SGCZ: variants seen among roughly 807,000 people sequenced by gnomAD.
SGCZ encodes zeta-sarcoglycan.
Under a neutral mutation model 41.3 loss-of-function variants are expected in SGCZ, and 40 were observed. The ratio of observed to expected loss-of-function variants is 0.97; its 90% CI spans 0.75 to 1.26. The LOEUF is 1.26. Among genes scored for constraint, SGCZ ranks in the 50% most tolerant of loss-of-function variants. SGCZ has a pLI of 0.00. For synonymous variants in SGCZ, 206 were observed against 137.5 expected (o/e 1.50, Z -3.49); for missense variants, 552 against 369.8 (o/e 1.49, Z -4.04).
At chr8:14,688,947 C>G (rs1328777203) in intron 1 of SGCZ, among the ~76,000 whole-genome samples, 1 of 151,972 alleles carries the variant, frequency 6.6e-6, no homozygotes, top group Non-Finnish European at 1.5e-5. Context: ...ACAAAAATCA[C>G]AAGCATTCTT....
chr8:14,351,622 G>T (rs533437634), intron 2 of SGCZ, among the ~76,000 whole-genome samples: 1 of 151,640 alleles, frequency 6.6e-6, no homozygotes, highest in East Asian at 1.9e-4. Flanking sequence ...AATAGAACAT[G>T]ATGTCATTTT....
intron 2 of SGCZ, among the ~76,000 whole-genome samples, chr8:14,333,316 C>A (rs917390026): frequency 2.0e-5 from 3 of 151,990 alleles, no homozygotes; most frequent in African/African-American, 7.2e-5. Context: ...CTGCAAAGAG[C>A]CTCAGGCATT....
intron 2 of SGCZ, among the ~76,000 whole-genome samples, chr8:14,442,365 G>C (rs1018582487): frequency 6.6e-6 from 1 of 152,126 alleles, no homozygotes; most frequent in Non-Finnish European, 1.5e-5. Flanking sequence ...AAGTGACTTT[G>C]CTCCTCCTTT....
intron 1 of SGCZ, among the ~76,000 whole-genome samples, chr8:14,884,763 T>C (rs1410928143): frequency 6.6e-6 from 1 of 152,184 alleles, no homozygotes; most frequent in African/African-American, 2.4e-5. Flanking sequence ...TTATATTTTA[T>C]GTTACAAATT....
intron 1 of SGCZ, among the ~76,000 whole-genome samples, chr8:14,723,101 A>G (rs894785594): frequency 3.2e-4 from 48 of 152,206 alleles, no homozygotes; most frequent in African/African-American, 1.1e-3. Context: ...TAAGTCAAAA[A>G]TAAGATCACG....
chr8:14,911,547 A>G (rs1237170287), intron 1 of SGCZ, among the ~76,000 whole-genome samples: 2 of 152,056 alleles, frequency 1.3e-5, no homozygotes, highest in African/African-American at 4.8e-5. Context: ...AAAACCAAAT[A>G]CAATTTTTAT....
intron 2 of SGCZ, among the ~76,000 whole-genome samples, chr8:14,443,162 G>A (rs1340309017): frequency 2.6e-5 from 4 of 152,128 alleles, no homozygotes; most frequent in Admixed American, 6.5e-5. Flanking sequence ...AATAAAAGAC[G>A]ATAGAAACAA....
chr8:14,243,275 G>C (rs571563917), intron 3 of SGCZ, among the ~76,000 whole-genome samples: 1 of 152,220 alleles, frequency 6.6e-6, no homozygotes, highest in South Asian at 2.1e-4. Context: ...TGGAAATATA[G>C]AATTTGCCAA....
intron 1 of SGCZ, among the ~76,000 whole-genome samples, chr8:14,672,348 C>T (rs1487738230): frequency 6.6e-6 from 1 of 152,084 alleles, no homozygotes; most frequent in Non-Finnish European, 1.5e-5. Context: ...TAAATATTTG[C>T]TGATTGGTCA....
At chr8:15,098,433 T>C (rs954496497) in intron 1 of SGCZ, among the ~76,000 whole-genome samples, 1 of 152,138 alleles carries the variant, frequency 6.6e-6, no homozygotes, top group African/African-American at 2.4e-5. Flanking sequence ...CCGCCTAGTA[T>C]CACACAGCTA....
intron 7 of SGCZ, among the ~76,000 whole-genome samples, chr8:14,096,998 C>T (rs1045947302): frequency 6.6e-6 from 1 of 151,920 alleles, no homozygotes; most frequent in Admixed American, 6.6e-5. Context: ...CTCTTTCCTT[C>T]TTTATTAGTC....
At chr8:15,093,641 GGGA>G (rs1358061919) in intron 1 of SGCZ, among the ~76,000 whole-genome samples, 1 of 152,070 alleles carries the variant, frequency 6.6e-6, no homozygotes, top group Non-Finnish European at 1.5e-5. Context: ...CTCTTCATCA[GGGA>G]ATGGTAGAAC....
chr8:14,289,106 C>T (rs1585323782), intron 3 of SGCZ, among the ~76,000 whole-genome samples: 3 of 151,912 alleles, frequency 2.0e-5, no homozygotes, highest in East Asian at 3.9e-4. Flanking sequence ...GTTATTTGTA[C>T]ATTTTGTAAC....
At chr8:14,375,893 A>C (rs1187983784) in intron 2 of SGCZ, among the ~76,000 whole-genome samples, 2 of 152,210 alleles carry the variant, frequency 1.3e-5, no homozygotes, top group Non-Finnish European at 2.9e-5. Flanking sequence ...GAAAACAGAA[A>C]ATTGAAAGCT....
intron 1 of SGCZ, among the ~76,000 whole-genome samples, chr8:14,831,599 T>A (rs1365270586): frequency 4.4e-5 from 2 of 45,166 alleles, no homozygotes; most frequent in South Asian, 9.7e-4. Context: ...CAAGTGTGTT[T>A]GTGTGTGTGT....
intron 2 of SGCZ, among the ~76,000 whole-genome samples, chr8:14,410,211 C>T (rs1799322022): frequency 6.6e-6 from 1 of 152,052 alleles, no homozygotes; most frequent in African/African-American, 2.4e-5. Flanking sequence ...TATCCCGAAA[C>T]CATTTCCCTC....
At chr8:14,189,247 T>C (rs1242128406) in intron 4 of SGCZ, among the ~76,000 whole-genome samples, 1 of 152,182 alleles carries the variant, frequency 6.6e-6, no homozygotes, top group Non-Finnish European at 1.5e-5. Flanking sequence ...GCTTTCCATC[T>C]TGTTGCTTTA....
intron 2 of SGCZ, among the ~76,000 whole-genome samples, chr8:14,539,219 C>A (rs930253864): frequency 2.6e-5 from 4 of 151,940 alleles, no homozygotes; most frequent in African/African-American, 9.7e-5. Context: ...CGCCAAATGG[C>A]CTAACCTGAA....
rs185612187 is a variant in SGCZ at position 14,880,042 on chromosome 8, T to C, written c.40-325116A>G. On this transcript the variant is annotated intron_variant, in intron 1 of 7. Transcript: ENST00000382080. ...TTTTAGTAGAGACTGTGTTTCTCCA[T>C]GTTGGCCAAGCTTGTCTTGAACTCC... Among the ~76,000 whole-genome samples the C allele has an allele frequency of 1.7e-3, 254 of 152,214 alleles. 1 individual carries two copies. Among genetic ancestry groups the C allele is most frequent in the South Asian group, 2.9e-3 (14 of 4,830 alleles).
Sources: gnomAD v4.1 joint callset for allele counts (sites outside exome capture counted in the v4.1 genomes callset) on GRCh38, gnomAD v4.1.1 for gene constraint, MANE v1.5 for transcripts, NCBI Gene and HGNC (gene_info 2026-07-23, HGNC 2026-07-21) for gene names.